The following VPS13B variants were observed in gnomAD, a reference collection of about 807,000 sequenced individuals.
VPS13B encodes vacuolar protein sorting 13 homolog B.
Under a neutral mutation model 426.4 loss-of-function variants are expected in VPS13B, and 285 were observed. The ratio of observed to expected loss-of-function variants is 0.67; its 90% CI spans 0.61 to 0.74. The LOEUF is 0.74. Among genes scored for constraint, VPS13B ranks in the 30% least tolerant of loss-of-function variants. The pLI, the probability that VPS13B is intolerant of heterozygous loss-of-function variation, is 0.00. For missense variants in VPS13B, 4,537 were observed against 4,782.6 expected, an observed-to-expected ratio of 0.95 and a Z score of 1.51; for synonymous variants, 1,676 against 1,676.4, an observed-to-expected ratio of 1.00 and a Z score of 0.01.
chr8:99,114,747 A>AT (rs879424678), intron 6 of VPS13B, among the ~76,000 whole-genome samples: 4 of 152,114 alleles, frequency 2.6e-5, no homozygotes, highest in Admixed American at 6.5e-5. Context: ...CTTCACATAC[A>AT]TTTTTTTATG....
At position 99,721,090 on chromosome 8, in the gene VPS13B, A is replaced by T. The variant is rs1192520652; in HGVS notation, c.7050+43A>T. ...ATTGTAAAATGAAAACATTGTGGGAAAGGGCTGATCATATATTAGGAAAAA... is the reference window on the plus strand; with the variant it reads ...ATTGTAAAATGAAAACATTGTGGGATAGGGCTGATCATATATTAGGAAAAA... On this transcript the variant is annotated intron_variant, in intron 39 of 61. Transcript: ENST00000357162. 1.9e-6 allele frequency: 3 copies of T among 1,599,626 alleles called. No homozygotes were observed. The African/African-American group carries it at 4.0e-5, about 21-fold the overall frequency.
At chr8:99,665,855 G>C (rs562617310) in intron 35 of VPS13B, among the ~76,000 whole-genome samples, 1 of 152,164 alleles carries the variant, frequency 6.6e-6, no homozygotes, top group African/African-American at 2.4e-5. Flanking sequence ...ATTCTGTGAG[G>C]AAAGTCATTG....
At chr8:99,391,767 A>G in intron 21 of VPS13B, 63 bp downstream of exon 21, 1 of 1,582,544 alleles carries the variant, frequency 6.3e-7, no homozygotes, top group South Asian at 1.1e-5. Context: ...GCAAGTTAGC[A>G]TCCACAATTT....
intron 30 of VPS13B, among the ~76,000 whole-genome samples, chr8:99,535,269 C>T (rs1823141466): frequency 6.6e-6 from 1 of 152,172 alleles, no homozygotes; most frequent in African/African-American, 2.4e-5. Context: ...TTCCAAAATA[C>T]TAATTTAAAC....
chr8:99,437,395 C>CT (rs535013184), intron 22 of VPS13B, among the ~76,000 whole-genome samples: 367 of 149,100 alleles, frequency 2.5e-3, no homozygotes, highest in African/African-American at 5.3e-3. Context: ...CTTGGACAGT[C>CT]TTTTTTTTTA....
chr8:99,246,788 C>T (rs943301037), intron 17 of VPS13B, among the ~76,000 whole-genome samples: 1 of 151,196 alleles, frequency 6.6e-6, no homozygotes, highest in Non-Finnish European at 1.5e-5. Context: ...ATCACTCGAA[C>T]CTAGGAGGTG....
At chr8:99,578,785 C>G (rs542108032) in intron 33 of VPS13B, among the ~76,000 whole-genome samples, 3 of 152,116 alleles carry the variant, frequency 2.0e-5, no homozygotes, top group African/African-American at 7.2e-5. Flanking sequence ...ATAAATGTCT[C>G]CTGTCAAAGA....
chr8:99,136,561 T>G (rs1405069468), intron 11 of VPS13B, 104 bp from the exon 12 acceptor site: 22 of 1,118,740 alleles, frequency 2.0e-5, no homozygotes, highest in Non-Finnish European at 2.8e-5. Context: ...ATCCTTTGTG[T>G]TGTTATACAT....
chr8:99,074,468 A>G (rs980528471), intron 3 of VPS13B, among the ~76,000 whole-genome samples: 5 of 150,908 alleles, frequency 3.3e-5, no homozygotes, highest in African/African-American at 1.2e-4. Context: ...AGATCGCACC[A>G]CTGCACTCCA....
At chr8:99,428,830 C>T (rs1433480094) in intron 21 of VPS13B, among the ~76,000 whole-genome samples, 11 of 152,092 alleles carry the variant, frequency 7.2e-5, no homozygotes, top group South Asian at 2.1e-4. Context: ...CACATGCACA[C>T]GTATGTTTAT....
intron 3 of VPS13B, among the ~76,000 whole-genome samples, chr8:99,043,981 T>C (rs1241798079): frequency 6.6e-6 from 1 of 152,120 alleles, no homozygotes; most frequent in Non-Finnish European, 1.5e-5. Context: ...TGCTTATTTC[T>C]CTGCTACATT....
chr8:99,084,838 T>A (rs1845685014), intron 3 of VPS13B, among the ~76,000 whole-genome samples: 1 of 152,202 alleles, frequency 6.6e-6, no homozygotes, highest in African/African-American at 2.4e-5. Context: ...ATAATTACTG[T>A]TCTTTTACAT....
intron 5 of VPS13B, among the ~76,000 whole-genome samples, chr8:99,106,681 G>A (rs1368216757): frequency 6.6e-6 from 1 of 152,066 alleles, no homozygotes; most frequent in Non-Finnish European, 1.5e-5. Context: ...ATTTTTGTAT[G>A]AATGGAACCA....
chr8:99,590,892 G>A (rs533135581), intron 33 of VPS13B, among the ~76,000 whole-genome samples: 5 of 152,182 alleles, frequency 3.3e-5, no homozygotes, highest in Admixed American at 6.6e-5. Flanking sequence ...GGATATCCTC[G>A]TTAACCTTCT....
Position 99,520,911 on chromosome 8 carries a change from C to G in VPS13B, c.4646C>G (p.Ala1549Gly), listed in dbSNP as rs754646345. The change falls in exon 30 of 62, where the codon GCA (alanine) becomes GGA (glycine). Residue 1549 changes from alanine to glycine, a missense_variant. By Grantham distance (60) the Ala-to-Gly change is moderately conservative. This residue lies in a region of VPS13B where 4,311 missense variants were observed against 4,474.3 expected (regional missense o/e 0.96). Transcript: ENST00000357162. ...TCTTTTGTTACAGCTAATCAGGCAG[C>G]AAAAGAAGACACTGTGGTTTTGAAG... Reference protein sequence around the residue: ...MQPTVEANQAAKEDTVVLKIG... With the variant: ...MQPTVEANQAGKEDTVVLKIG... 1.1e-5 allele frequency: 18 copies of G among 1,613,662 alleles called. No homozygotes were observed. Among genetic ancestry groups the G allele is most frequent in the Non-Finnish European group, 8.5e-7 (1 of 1,179,664 alleles).
At chr8:99,464,767 A>G (rs887326845) in intron 23 of VPS13B, among the ~76,000 whole-genome samples, 3 of 151,924 alleles carry the variant, frequency 2.0e-5, no homozygotes, top group African/African-American at 7.2e-5. Flanking sequence ...GTTGTTCTTT[A>G]TTTATTCATT....
chr8:99,148,011 G>A lies in VPS13B; in HGVS notation c.2013+1G>A. 1 of 1,608,484 alleles carries A rather than the reference G, an allele frequency of 6.2e-7. No individual in the cohort carries two copies. The highest frequency in any genetic ancestry group is 8.5e-7 in the Non-Finnish European group (1 of 1,177,036). On this transcript the variant is annotated splice_donor_variant, in intron 14 of 61. Transcript: ENST00000357162. LOFTEE classifies it high-confidence loss of function. Reference sequence around the variant, plus strand: ...ACTACCTGTCATTATGGGAGAAAAGGTATATTTTGTGATTTGCTATATTTT... The same window carrying A: ...ACTACCTGTCATTATGGGAGAAAAGATATATTTTGTGATTTGCTATATTTT...
rs1470976312 is a variant in VPS13B at position 99,876,452 on chromosome 8, C to CTT, written c.*788_*789dup. The CTT allele has an allele frequency of 6.6e-6, 1 of 152,290 alleles. No homozygotes were observed. The highest frequency in any genetic ancestry group is 1.5e-5 in the Non-Finnish European group (1 of 68,166). The allele number at this position is 152,290 out of a possible 1,614,324, so 9.4% of individuals were successfully genotyped here. ...TTACTAAGCAAACTTTGAGTAAATC[C>CTT]TTTGTCCTATATTGAATCCAGTCCC... On this transcript the variant is annotated 3_prime_UTR_variant, in exon 62 of 62. Transcript: ENST00000357162.
intron 33 of VPS13B, among the ~76,000 whole-genome samples, chr8:99,597,193 G>C (rs1469283529): frequency 6.6e-6 from 1 of 151,906 alleles, no homozygotes; most frequent in African/African-American, 2.4e-5. Flanking sequence ...TCCCATTATA[G>C]GGTCGCCCTG....
Sources: gnomAD v4.1 joint callset for allele counts (sites outside exome capture counted in the v4.1 genomes callset) on GRCh38, gnomAD v4.1.1 for gene constraint, gnomAD v4.1.1 regional missense constraint, MANE v1.5 for transcripts, NCBI Gene and HGNC (gene_info 2026-07-23, HGNC 2026-07-21) for gene names.